Variants in DGKA observed in about 807,000 individuals in gnomAD.
DGKA encodes the protein 80 kDa diacylglycerol kinase.
A neutral mutation model predicts 105.0 loss-of-function variants in DGKA; 35 were observed. That is an observed-to-expected ratio of 0.33 (90% CI 0.25 to 0.44). DGKA has a LOEUF of 0.44. Among genes scored for constraint, DGKA ranks in the 20% least tolerant of loss-of-function variants. The pLI is 1.00. For missense variants in DGKA, 665 were observed against 915.0 expected (o/e 0.73, Z 3.53); for synonymous variants, 296 against 332.0 (o/e 0.89, Z 1.18).
Position 55,932,640 on chromosome 12 carries a change from C to T in DGKA, c.-82+1296C>T. 1 of 701,700 alleles carries T rather than the reference C, an allele frequency of 1.4e-6. No individual in the cohort carries two copies. The highest frequency in any genetic ancestry group is 2.6e-6 in the Non-Finnish European group (1 of 384,446). The allele number at this position is 701,700 out of a possible 1,614,324, so 43.5% of individuals were successfully genotyped here. A position where few individuals can be genotyped will look rare whatever the true frequency, so the allele number is the denominator to read the frequency against. ...CCTCAGCACAGACAAGCCCACATCC[C>T]CCAACCATGCCAGTATCGTAACTTC... is the stretch of plus-strand genomic sequence containing the variant. On this transcript the variant is annotated intron_variant, in intron 1 of 23. Coordinates refer to ENST00000331886, the MANE Select transcript of DGKA (RefSeq NM_001345.5). This position sits in a 1 kb window ranked among gnomAD's most constrained non-coding sequence, Gnocchi z 4.3.
At chr12:55,942,113 A>T in intron 16 of DGKA, 30 bp downstream of exon 16, 1 of 1,613,756 alleles carries the variant, frequency 6.2e-7, no homozygotes. Flanking sequence ...TGGGGAAGGT[A>T]TTGGGGTCGT....
chr12:55,938,628 A>T (rs764137836), intron 6 of DGKA, 68 bp downstream of exon 6: 32 of 1,610,558 alleles, frequency 2.0e-5, no homozygotes, highest in Non-Finnish European at 2.7e-5. Context: ...TCCTGCCCCA[A>T]CTCTTCCAGG....
rs768626368 is a variant in DGKA at position 55,940,856 on chromosome 12, A to C, written c.1018-41A>C. The C allele has an allele frequency of 2.5e-6, 4 of 1,607,202 alleles. No individual in the cohort carries two copies. Among genetic ancestry groups the C allele is most frequent in the Non-Finnish European group, 2.6e-6 (3 of 1,174,256 alleles). ...GACCCCTCTATTTAGGGATTCATGC[A>C]CAATACAGCTTTTCTTCCCTCTACT... On this transcript the variant is annotated intron_variant, in intron 12 of 23. Transcript: ENST00000331886. The surrounding 1 kb of genome is among the most constrained non-coding windows in gnomAD (Gnocchi z 4.3).
chr12:55,933,764 T>C (rs1466336743), intron 1 of DGKA, among the ~76,000 whole-genome samples: 3 of 152,194 alleles, frequency 2.0e-5, no homozygotes, highest in African/African-American at 7.2e-5. Flanking sequence ...GACGTACAAC[T>C]GGGCTTCACT....
chr12:55,953,597 C>G (rs996868368), intron 23 of DGKA, 88 bp from the exon 24 acceptor site: 31 of 1,469,976 alleles, frequency 2.1e-5, no homozygotes, highest in Admixed American at 1.0e-4. Flanking sequence ...CAACCCACCC[C>G]AAACCCCACA....
chr12:55,934,072 C>G (rs1428101090), intron 1 of DGKA, among the ~76,000 whole-genome samples: 1 of 152,166 alleles, frequency 6.6e-6, no homozygotes, highest in African/African-American at 2.4e-5. Context: ...GTCCAATTTG[C>G]AAGTCCATTC....
Position 55,932,813 on chromosome 12 carries a change from C to T in DGKA, c.-82+1469C>T. On this transcript the variant is annotated intron_variant, in intron 1 of 23. Transcript: ENST00000331886. The surrounding 1 kb of genome is among the most constrained non-coding windows in gnomAD (Gnocchi z 4.3). ...GCTTAATAAGTTTTGAGGCTTCAAG[C>T]AAATGATTCCCTCTTGAGGGCTACC... 7.4e-6 allele frequency: 4 copies of T among 540,952 alleles called. No individual in the cohort carries two copies. The highest frequency in any genetic ancestry group is 6.7e-5 in the South Asian group (3 of 44,528). The allele number at this position is 540,952 out of a possible 1,614,324, so 33.5% of individuals were successfully genotyped here. A position where few individuals can be genotyped will look rare whatever the true frequency, so the allele number is the denominator to read the frequency against.
chr12:55,941,345 G>C lies in DGKA; in HGVS notation c.1175+20G>C. ...GCAAAGGTGAGGAGAAATATATTGGGTCTTCTAAGATGAGAGGCAGGGCCT... is the reference window on the plus strand; with the variant it reads ...GCAAAGGTGAGGAGAAATATATTGGCTCTTCTAAGATGAGAGGCAGGGCCT... On this transcript the variant is annotated intron_variant, in intron 14 of 23. Transcript: ENST00000331886. 2 of 1,611,658 alleles carry C rather than the reference G, an allele frequency of 1.2e-6. No individual in the cohort carries two copies. The highest frequency in any genetic ancestry group is 1.1e-5 in the South Asian group (1 of 90,894).
At chr12:55,930,357 GTTTTTTTTTTTTTTTTTTTTT>G (rs1156510868), upstream of DGKA, 1 of 71,790 alleles carries the variant, frequency 1.4e-5, no homozygotes, top group East Asian at 5.5e-4. Context: ...CAAGGGCCTT[GTTTTTTTTTTTTTTTTTTTTT>G]TTTTTTAGAC....
upstream of DGKA, chr12:55,929,608 C>G (rs2136273583): frequency 6.6e-6 from 1 of 152,398 alleles, no homozygotes; most frequent in East Asian, 1.9e-4. Context: ...CCGGGGAGAA[C>G]AGGCTGTTGT....
chr12:55,927,520 CAG>C, upstream of DGKA: 1 of 699,588 alleles, frequency 1.4e-6, no homozygotes, highest in Non-Finnish European at 2.4e-6. Flanking sequence ...ACCCAGATCT[CAG>C]AGCGGCTTGG....
chr12:55,944,798 T>G (rs1039562569), intron 17 of DGKA, among the ~76,000 whole-genome samples: 2 of 152,158 alleles, frequency 1.3e-5, no homozygotes, highest in African/African-American at 4.8e-5. Context: ...ATTTATTTAT[T>G]TTTATTTATT....
intron 1 of DGKA, 134 bp from the exon 2 acceptor site, chr12:55,936,289 T>C: frequency 1.0e-6 from 1 of 979,700 alleles, no homozygotes; most frequent in Non-Finnish European, 1.4e-6. Flanking sequence ...GAAAGGAAGA[T>C]GTTTAGGGAG....
At position 55,937,062 on chromosome 12, in the gene DGKA, G is replaced by C. The variant is rs767186574; in HGVS notation, c.110G>C (p.Gly37Ala). Residue 37 changes from glycine to alanine, a missense_variant, in exon 3 of 24, where the codon GGC becomes GCC. Physicochemically the swap from Gly to Ala is moderately conservative, Grantham distance 60. Coordinates refer to ENST00000331886, the MANE Select transcript of DGKA (RefSeq NM_001345.5). ...GATGTCCTAAAGCTCTTCGAGGATG[G>C]CGAGATGGCTAAATATGTCCAAGGA... Reference protein sequence around the residue: ...VSDVLKLFEDGEMAKYVQGDA... With the variant: ...VSDVLKLFEDAEMAKYVQGDA... The C allele has an allele frequency of 6.2e-7, 1 of 1,613,990 alleles. No homozygotes were observed. The highest frequency in any genetic ancestry group is 1.3e-5 in the African/African-American group (1 of 74,904).
In DGKA at chr12:55,952,810, G is replaced by T; in HGVS notation, c.1820G>T (p.Gly607Val). 6.2e-7 allele frequency: 1 copy of T among 1,614,166 alleles called. No homozygotes were observed. Among genetic ancestry groups the T allele is most frequent in the Non-Finnish European group, 8.5e-7 (1 of 1,180,044 alleles). The change falls in exon 21 of 24, where the codon GGT becomes GTT. Residue 607 changes from glycine to valine, a missense_variant. This residue lies in a region of DGKA where 158 missense variants were observed against 213.4 expected (regional missense o/e 0.74). Transcript: ENST00000331886. This position sits in a 1 kb window ranked among gnomAD's most constrained non-coding sequence, Gnocchi z 5.1. ...IAVLNIPSMHGGSNLWGDTRR... is the reference protein window; with the variant it reads ...IAVLNIPSMHVGSNLWGDTRR... ...GTGCTAAACATCCCTAGCATGCATG[G>T]TGGCTCCAACCTCTGGGGTGATACC...
At chr12:55,948,669 A>T (rs988527765) in intron 17 of DGKA, among the ~76,000 whole-genome samples, 1 of 151,642 alleles carries the variant, frequency 6.6e-6, no homozygotes, top group African/African-American at 2.4e-5. Flanking sequence ...TTGAGGCTGC[A>T]GTGAGCCAGT....
intron 1 of DGKA, among the ~76,000 whole-genome samples, chr12:55,935,054 C>T (rs1314896999): frequency 6.6e-6 from 1 of 152,160 alleles, no homozygotes; most frequent in Non-Finnish European, 1.5e-5. Context: ...TGGGCTGGAG[C>T]CTTGGATTTT....
At chr12:55,945,473 T>C (rs1886810778) in intron 17 of DGKA, among the ~76,000 whole-genome samples, 1 of 152,206 alleles carries the variant, frequency 6.6e-6, no homozygotes, top group Admixed American at 6.6e-5. Context: ...AACACAAATT[T>C]ATTGTCTTAC....
chr12:55,952,139 C>G lies in DGKA; in HGVS notation c.1652+40C>G. The G allele has an allele frequency of 6.2e-7, 1 of 1,612,368 alleles. No individual in the cohort carries two copies. The highest frequency in any genetic ancestry group is 8.5e-7 in the Non-Finnish European group (1 of 1,178,620). On this transcript the variant is annotated intron_variant, in intron 19 of 23. Transcript: ENST00000331886. This position sits in a 1 kb window ranked among gnomAD's most constrained non-coding sequence, Gnocchi z 5.1. ...GGGGCAGTGTGGGCATACACAGTGT[C>G]AGGAGCCAGGTTTTGACCAAGTTTG...
Sources: gnomAD v4.1 joint callset for allele counts (sites outside exome capture counted in the v4.1 genomes callset) on GRCh38, gnomAD v4.1.1 for gene constraint, gnomAD v4.1.1 regional missense constraint, Gnocchi (gnomAD v3.1) non-coding constraint, MANE v1.5 for transcripts, NCBI Gene and HGNC (gene_info 2026-07-23, HGNC 2026-07-21) for gene names.